Variants in PCDHGA2 observed in about 807,000 individuals in gnomAD.
PCDHGA2 encodes the protein protocadherin gamma subfamily A, 2, also known as protocadherin gamma-A2.
PCDHGA2 carries 40 observed loss-of-function variants against 59.2 expected under a neutral mutation model. The ratio of observed to expected loss-of-function variants is 0.68; its 90% CI spans 0.52 to 0.88. PCDHGA2 has a LOEUF of 0.88. PCDHGA2 is among the 40% of genes least tolerant of loss of function. PCDHGA2 has a pLI of 0.00. For missense variants in PCDHGA2, 1,226 were observed against 1,204.0 expected (o/e 1.02, Z -0.27); for synonymous variants, 560 against 526.0 (o/e 1.06, Z -0.89).
At chr5:141,347,356 T>C (rs771970433) in intron 1 of PCDHGA2, among the ~76,000 whole-genome samples, 1 of 151,926 alleles carries the variant, frequency 6.6e-6, no homozygotes, top group African/African-American at 2.4e-5. Flanking sequence ...GCAATTGCTA[T>C]GTTTCCCAGG....
intron 1 of PCDHGA2, chr5:141,394,586 G>T: frequency 3.1e-6 from 5 of 1,613,888 alleles, no homozygotes; most frequent in Non-Finnish European, 4.2e-6. Context: ...TGACCAAGGT[G>T]GTGGCGGTGG....
intron 1 of PCDHGA2, chr5:141,384,519 G>A (rs769300299): frequency 1.9e-6 from 3 of 1,614,220 alleles, no homozygotes; most frequent in Non-Finnish European, 2.5e-6. Flanking sequence ...GCGGGGACCC[G>A]CCTCTCAGCA....
In PCDHGA2 at chr5:141,341,257, C is replaced by G; in HGVS notation, c.2286C>G (p.Asp762Glu). The change falls in exon 1 of 4, where the codon GAC becomes GAG. Residue 762 changes from aspartate to glutamate, a missense_variant. Transcript: ENST00000394576. Reference sequence around the variant, plus strand: ...CCCACGAGGTCTCCCTCACTGCGGACTCGCGGAAGAGCCACCTGATTTTCC... The same window carrying G: ...CCCACGAGGTCTCCCTCACTGCGGAGTCGCGGAAGAGCCACCTGATTTTCC... ...TYSHEVSLTA[D>E]SRKSHLIFPQ... is the part of the protein sequence containing the mutation. 6.2e-7 allele frequency: 1 copy of G among 1,614,226 alleles called. No homozygotes were observed. The highest frequency in any genetic ancestry group is 8.5e-7 in the Non-Finnish European group (1 of 1,180,040).
At chr5:141,370,250 T>C in intron 1 of PCDHGA2, 1 of 693,716 alleles carries the variant, frequency 1.4e-6, no homozygotes. Context: ...GTGCACTCTC[T>C]ATCAGGCTTC....
At position 141,361,241 on chromosome 5, in the gene PCDHGA2, T is replaced by C. The variant is rs774637844; in HGVS notation, c.2424+19846T>C. Reference sequence around the variant, plus strand: ...CCACCAGGAACAGTGATCGCCTTGATAAAAACGAGAGACAGAGACTCTGGA... The same window carrying C: ...CCACCAGGAACAGTGATCGCCTTGACAAAAACGAGAGACAGAGACTCTGGA... On this transcript the variant is annotated intron_variant, in intron 1 of 3. Coordinates refer to ENST00000394576, the MANE Select transcript of PCDHGA2 (RefSeq NM_018915.4). 3.7e-6 allele frequency: 6 copies of C among 1,613,960 alleles called. No homozygotes were observed. In the South Asian group the frequency reaches 6.6e-5, roughly 18 times the overall value.
intron 1 of PCDHGA2, chr5:141,384,536 T>A (rs751421323): frequency 2.5e-6 from 4 of 1,614,086 alleles, no homozygotes; most frequent in Admixed American, 1.7e-5. Flanking sequence ...AGCAGCAACA[T>A]GTCACTGAGC....
intron 1 of PCDHGA2, chr5:141,371,563 T>G: frequency 6.2e-7 from 1 of 1,613,806 alleles, no homozygotes; most frequent in Non-Finnish European, 8.5e-7. Context: ...AAAGGAAACT[T>G]CCCCTTTAAA....
At position 141,409,389 on chromosome 5, in the gene PCDHGA2, C is replaced by G; in HGVS notation, c.2424+67994C>G. On this transcript the variant is annotated intron_variant, in intron 1 of 3. Transcript: ENST00000394576. ...ACAGACATTCCATTCAAGATTTATT[C>G]TTCTTCCAATAACTACTACAAACTG... 6.2e-7 allele frequency: 1 copy of G among 1,614,006 alleles called. No homozygotes were observed. Among genetic ancestry groups the G allele is most frequent in the Admixed American group, 1.7e-5 (1 of 60,020 alleles).
chr5:141,441,631 C>A, intron 1 of PCDHGA2: 2 of 226,308 alleles, frequency 8.8e-6, no homozygotes, highest in Non-Finnish European at 1.8e-5. Context: ...GACCTGGAGC[C>A]ACAGGCGCTG....
intron 2 of PCDHGA2, among the ~76,000 whole-genome samples, chr5:141,500,184 T>TTTTATTTATTTATTTA (rs58019021): frequency 1.5e-5 from 2 of 135,886 alleles, no homozygotes; most frequent in African/African-American, 5.4e-5. Flanking sequence ...TCATTTTTAT[T>TTTTATTTATTTATTTA]TTTATTTATT....
At chr5:141,492,195 CTT>C (rs1240529719) in intron 1 of PCDHGA2, among the ~76,000 whole-genome samples, 1 of 152,242 alleles carries the variant, frequency 6.6e-6, no homozygotes, top group Non-Finnish European at 1.5e-5. Context: ...GTCTGCGGGA[CTT>C]AGGTGTGCGC....
At chr5:141,350,342 T>TC (rs1378635895) in intron 1 of PCDHGA2, 3 of 1,550,478 alleles carry the variant, frequency 1.9e-6, no homozygotes, top group Admixed American at 3.9e-5. Flanking sequence ...CGGGGCCATC[T>TC]CCCAGCAGAT....
rs764055095 is a variant in PCDHGA2, at chr5:141,385,083, A to G, written c.2424+43688A>G. ...ACAAGTCACGCCTGCTGCAGGCTTC[A>G]GAAGGTGGCTTGGCGAACGTGCCCA... On this transcript the variant is annotated intron_variant, in intron 1 of 3. Coordinates refer to ENST00000394576, the MANE Select transcript of PCDHGA2 (RefSeq NM_018915.4). 18 of 1,614,084 alleles carry G rather than the reference A, an allele frequency of 1.1e-5. No homozygotes were observed. The Admixed American group carries it at 3.0e-4, about 27-fold the overall frequency.
chr5:141,399,198 G>T (rs1370289172), intron 1 of PCDHGA2: 1 of 1,613,816 alleles, frequency 6.2e-7, no homozygotes, highest in African/African-American at 1.3e-5. Context: ...AAAACGCGGT[G>T]CCTGGAACAC....
intron 1 of PCDHGA2, chr5:141,352,277 G>A: frequency 1.2e-6 from 2 of 1,614,062 alleles, no homozygotes; most frequent in Non-Finnish European, 1.7e-6. Context: ...AGACCTCAGC[G>A]ACCGCCCTGA....
At chr5:141,347,651 G>A (rs898058080) in intron 1 of PCDHGA2, among the ~76,000 whole-genome samples, 1 of 152,028 alleles carries the variant, frequency 6.6e-6, no homozygotes, top group African/African-American at 2.4e-5. Context: ...GCTGGGCATG[G>A]TGGTGGGCGC....
At chr5:141,376,069 G>A in intron 1 of PCDHGA2, 1 of 1,613,452 alleles carries the variant, frequency 6.2e-7, no homozygotes, top group Non-Finnish European at 8.5e-7. Context: ...CGCTCACCGT[G>A]GCCGTGGCCG....
chr5:141,421,235 A>G (rs1375447356), intron 1 of PCDHGA2: 3 of 1,594,470 alleles, frequency 1.9e-6, no homozygotes, highest in East Asian at 2.2e-5. Context: ...GCCATGGCGA[A>G]TCGGCTACAG....
At chr5:141,392,689 C>T in intron 1 of PCDHGA2, 1 of 1,115,570 alleles carries the variant, frequency 9.0e-7, no homozygotes, top group Non-Finnish European at 1.2e-6. Context: ...CAGCGAAACC[C>T]GACCCCTGTT....
Sources: gnomAD v4.1 joint callset for allele counts (sites outside exome capture counted in the v4.1 genomes callset) on GRCh38, gnomAD v4.1.1 for gene constraint, MANE v1.5 for transcripts, NCBI Gene and HGNC (gene_info 2026-07-23, HGNC 2026-07-21) for gene names.